DST: variants seen among roughly 807,000 people sequenced by gnomAD.
DST encodes bullous pemphigoid antigen.
A neutral mutation model predicts 875.2 loss-of-function variants in DST; 253 were observed. The ratio of observed to expected loss-of-function variants is 0.29; its 90% CI spans 0.26 to 0.32. The LOEUF (loss-of-function observed/expected upper bound fraction) is 0.32, where lower values mean the gene tolerates loss of function less well. Ranked by LOEUF, DST falls within the 10% of genes least tolerant of loss-of-function variation. DST has a pLI of 1.00. For synonymous variants in DST, 3,124 were observed against 3,197.1 expected (o/e 0.98, Z 0.77); for missense variants, 8,287 against 9,111.6 (o/e 0.91, Z 3.68).
chr6:56,627,594 A>G (rs904301749), intron 33 of DST, among the ~76,000 whole-genome samples: 1 of 152,178 alleles, frequency 6.6e-6, no homozygotes, highest in African/African-American at 2.4e-5. Context: ...ATTGGCCCCT[A>G]AGATAGAACA....
At chr6:56,558,548 T>C (rs2097469886) in intron 58 of DST, among the ~76,000 whole-genome samples, 1 of 152,128 alleles carries the variant, frequency 6.6e-6, no homozygotes. Flanking sequence ...AATGACCTAG[T>C]CTAGCAGTCT....
At chr6:56,917,903 A>G (rs1802066052) in intron 2 of DST, among the ~76,000 whole-genome samples, 1 of 152,204 alleles carries the variant, frequency 6.6e-6, no homozygotes, top group African/African-American at 2.4e-5. Context: ...TAGAAACTAA[A>G]TCCACCTAAA....
chr6:56,535,230 G>A lies in DST; in HGVS notation c.16833C>T (p.Ala5611=). 1 of 1,613,046 alleles carries A rather than the reference G, an allele frequency of 6.2e-7. No individual in the cohort carries two copies. The highest frequency in any genetic ancestry group is 8.5e-7 in the Non-Finnish European group (1 of 1,179,556). ...ALLHCGRFQD[A]LESLLSWMVD... ...CCATCCAGCTGAGCAGGGACTCCAG[G>A]GCATCCTGGAACCTCCCACAGTGCA... Residue 5611 remains alanine, a synonymous_variant, in exon 63 of 104, where the codon GCC becomes GCT. Coordinates refer to ENST00000680361, the MANE Select transcript of DST (RefSeq NM_001374736.1).
intron 49 of DST, among the ~76,000 whole-genome samples, chr6:56,585,116 G>C (rs1160277521): frequency 6.6e-6 from 1 of 152,228 alleles, no homozygotes; most frequent in African/African-American, 2.4e-5. Context: ...CATAAAATGA[G>C]TTAGGGAGGA....
chr6:56,628,950 A>T (rs1490431356), intron 32 of DST, among the ~76,000 whole-genome samples: 1 of 152,186 alleles, frequency 6.6e-6, no homozygotes, highest in African/African-American at 2.4e-5. Flanking sequence ...TGGTTATTTG[A>T]ATATTATAAG....
chr6:56,643,856 A>G (rs1308546738), intron 15 of DST, among the ~76,000 whole-genome samples: 1 of 152,246 alleles, frequency 6.6e-6, no homozygotes, highest in African/African-American at 2.4e-5. Context: ...GCTCAAAACA[A>G]TAACAGTGGC....
At chr6:56,836,616 C>T (rs1041171554) in intron 4 of DST, among the ~76,000 whole-genome samples, 44 of 151,560 alleles carry the variant, frequency 2.9e-4, no homozygotes, top group Non-Finnish European at 5.2e-4. Flanking sequence ...TTTGGGAGGC[C>T]GAGGCGGGCG....
chr6:56,578,432 C>T (rs2097909163), intron 50 of DST, among the ~76,000 whole-genome samples: 1 of 152,030 alleles, frequency 6.6e-6, no homozygotes, highest in Non-Finnish European at 1.5e-5. Context: ...AACCCACGTT[C>T]CCACTATTGA....
chr6:56,536,139 C>T (rs902779373), intron 62 of DST, among the ~76,000 whole-genome samples: 6 of 152,166 alleles, frequency 3.9e-5, no homozygotes, highest in Non-Finnish European at 8.8e-5. Flanking sequence ...ATTTATGTCT[C>T]GTAAGAGCTG....
Position 56,607,736 on chromosome 6 carries a change from A to C in DST, c.6892T>G (p.Cys2298Gly), listed in dbSNP as rs760193566. The C allele has an allele frequency of 2.5e-6, 4 of 1,613,456 alleles. No individual in the cohort carries two copies. Among genetic ancestry groups the C allele is most frequent in the Non-Finnish European group, 8.5e-7 (1 of 1,179,684 alleles). Reference protein sequence around the residue: ...EHEETPENRKCAIDEEFNEMR... With the variant: ...EHEETPENRKGAIDEEFNEMR... ...TCATTAAATTCTTCATCTATAGCAC[A>C]CTTTCTATTTTCAGGAGTCTCTTCA... The change falls in exon 40 of 104, where the codon TGT becomes GGT. Residue 2298 changes from cysteine (C) to glycine (G), a missense_variant. Cys to Gly is a radical substitution (Grantham distance 159, BLOSUM62 -3). Around this residue, in one of 10 missense-constraint regions of DST, gnomAD observed 3,138 missense variants for 3,116.6 expected, o/e 1.01. Transcript: ENST00000680361.
intron 61 of DST, chr6:56,542,604 T>C (rs2097148655): frequency 2.6e-5 from 4 of 152,254 alleles, no homozygotes; most frequent in Admixed American, 2.6e-4. Context: ...CATTAGCCTT[T>C]GAAACTGAAC....
chr6:56,763,105 C>A (rs2099621620), intron 4 of DST, among the ~76,000 whole-genome samples: 1 of 152,080 alleles, frequency 6.6e-6, no homozygotes, highest in South Asian at 2.1e-4. Flanking sequence ...CCATCTCGGC[C>A]TCCCAAAGTG....
At chr6:56,586,030 T>G (rs1253009440) in intron 49 of DST, among the ~76,000 whole-genome samples, 1 of 151,414 alleles carries the variant, frequency 6.6e-6, no homozygotes, top group Non-Finnish European at 1.5e-5. Context: ...TGGTCAGTTT[T>G]GGAATAGGTG....
chr6:56,636,107 T>G (rs984699239), intron 23 of DST, among the ~76,000 whole-genome samples: 1 of 152,036 alleles, frequency 6.6e-6, no homozygotes, highest in African/African-American at 2.4e-5. Context: ...AGAGACACAT[T>G]TGTAGAATAG....
chr6:56,471,412 C>G (rs2094885558), intron 94 of DST, 144 bp from the exon 95 acceptor site: 1 of 594,394 alleles, frequency 1.7e-6, no homozygotes, highest in Non-Finnish European at 2.8e-6. Context: ...GCAAAGGGGA[C>G]TTAGAAACAT....
chr6:56,503,891 A>T, intron 78 of DST, 106 bp downstream of exon 78: 1 of 680,466 alleles, frequency 1.5e-6, no homozygotes, highest in Non-Finnish European at 2.4e-6. Context: ...CTTTATAATT[A>T]AGCTGTCATA....
At chr6:56,647,688 G>GTTGTTTTTTTTTTTTTTTTTTTTTTT (rs1491402943) in intron 13 of DST, among the ~76,000 whole-genome samples, 4 of 126,902 alleles carry the variant, frequency 3.2e-5, no homozygotes, top group African/African-American at 1.3e-4. Flanking sequence ...TTTTTGTAAT[G>GTTGTTTTTTTTTTTTTTTTTTTTTTT]TTTTTTTTTT....
At chr6:56,728,439 C>T (rs1408575943) in intron 5 of DST, among the ~76,000 whole-genome samples, 2 of 152,178 alleles carry the variant, frequency 1.3e-5, no homozygotes, top group Non-Finnish European at 2.9e-5. Context: ...CATGGTGGCT[C>T]ACACCTATAA....
intron 5 of DST, among the ~76,000 whole-genome samples, chr6:56,723,571 A>T (rs2099430327): frequency 6.6e-6 from 1 of 151,944 alleles, no homozygotes. Context: ...TTTCAAAAAA[A>T]ATTTAAAAAA....
Sources: allele counts gnomAD v4.1 joint callset (sites outside exome capture counted in the v4.1 genomes callset), GRCh38; gene constraint gnomAD v4.1.1; regional missense constraint gnomAD v4.1.1; transcripts MANE v1.5; gene names NCBI Gene and HGNC (gene_info 2026-07-23, HGNC 2026-07-21).